Variants in NEBL observed in about 807,000 individuals in gnomAD.
The protein encoded by NEBL is LIM and SH3 protein 2.
NEBL carries 122 observed loss-of-function variants against 140.2 expected under a neutral mutation model. That is an observed-to-expected ratio of 0.87 (90% CI 0.75 to 1.01). The LOEUF is 1.01. Among genes scored for constraint, NEBL ranks in the 50% least tolerant of loss-of-function variants. NEBL has a pLI of 0.00. For synonymous variants in NEBL, 436 were observed against 398.9 expected (o/e 1.09, Z -1.11); for missense variants, 1,365 against 1,231.3 (o/e 1.11, Z -1.62).
At chr10:20,984,621 A>G (rs760796005) in intron 3 of NEBL, among the ~76,000 whole-genome samples, 21 of 151,988 alleles carry the variant, frequency 1.4e-4, no homozygotes, top group Middle Eastern at 3.2e-3. Flanking sequence ...ATACAGAAGG[A>G]GCCCTGAAAA....
chr10:20,800,061 T>C (rs1360064073), intron 26 of NEBL, among the ~76,000 whole-genome samples: 4 of 152,110 alleles, frequency 2.6e-5, no homozygotes, highest in African/African-American at 9.7e-5. Flanking sequence ...ACATGCTATA[T>C]GTTACATCTC....
intron 26 of NEBL, among the ~76,000 whole-genome samples, chr10:20,792,579 A>G (rs958156602): frequency 2.6e-5 from 4 of 152,184 alleles, no homozygotes; most frequent in Non-Finnish European, 4.4e-5. Context: ...AGGCAGGCAG[A>G]TTGCTTGAGC....
intron 3 of NEBL, among the ~76,000 whole-genome samples, chr10:21,010,988 G>A (rs1211702344): frequency 6.6e-6 from 1 of 152,108 alleles, no homozygotes; most frequent in Non-Finnish European, 1.5e-5. Context: ...TTAGAGAATG[G>A]TCAAATGAAA....
chr10:21,272,733 C>T (rs1398411961), intron 1 of NEBL, among the ~76,000 whole-genome samples: 1 of 152,142 alleles, frequency 6.6e-6, no homozygotes, highest in Non-Finnish European at 1.5e-5. Context: ...GCAGCATTAT[C>T]TTAAAAAATC....
chr10:21,035,519 C>A (rs1396258841), intron 2 of NEBL, among the ~76,000 whole-genome samples: 1 of 152,130 alleles, frequency 6.6e-6, no homozygotes, highest in Admixed American at 6.5e-5. Flanking sequence ...TATATCAGCT[C>A]TTCTTTAAAT....
chr10:21,156,632 A>AT (rs909241397), intron 2 of NEBL, among the ~76,000 whole-genome samples: 2 of 152,132 alleles, frequency 1.3e-5, no homozygotes, highest in Admixed American at 6.5e-5. Flanking sequence ...ACTTATATAT[A>AT]AAAAATGGCA....
rs572322355 is a variant in NEBL, at chr10:21,199,019, T to C, written n.349-26542A>G. 5.3e-4 allele frequency among the ~76,000 whole-genome samples: 80 copies of C among 151,764 alleles called. No individual in the cohort carries two copies. In the South Asian group the frequency reaches 0.016, roughly 31 times the overall value. On this transcript the variant is annotated intron_variant and non_coding_transcript_variant, in intron 3 of 8. Coordinates refer to the NEBL transcript ENST00000675702. The stretch of plus-strand genomic sequence containing the variant: ...TTTTATTTTTATTTTATTTATTTAT[T>C]TGCACCACTGCACTCCAGCCTGCAC...
intron 19 of NEBL, among the ~76,000 whole-genome samples, chr10:20,820,257 G>C (rs1164909645): frequency 3.9e-5 from 6 of 152,122 alleles, no homozygotes; most frequent in African/African-American, 1.4e-4. Context: ...CTGACTTAAT[G>C]CACAGAGGTG....
chr10:20,976,484 G>A (rs1383763301), intron 3 of NEBL, among the ~76,000 whole-genome samples: 1 of 152,042 alleles, frequency 6.6e-6, no homozygotes, highest in African/African-American at 2.4e-5. Flanking sequence ...ATTTATCACA[G>A]CAGTAGTCAC....
At chr10:20,854,476 C>T (rs954433454) in intron 9 of NEBL, among the ~76,000 whole-genome samples, 17 of 151,706 alleles carry the variant, frequency 1.1e-4, no homozygotes, top group African/African-American at 4.1e-4. Flanking sequence ...TAGGGAGCTG[C>T]AATATATGTT....
chr10:20,799,584 C>T (rs1308356683), intron 26 of NEBL, among the ~76,000 whole-genome samples: 1 of 152,148 alleles, frequency 6.6e-6, no homozygotes, highest in Non-Finnish European at 1.5e-5. Context: ...ATTCAGTTTG[C>T]AAATAACACT....
At chr10:21,071,283 TAGA>T (rs1369105284) in intron 2 of NEBL, among the ~76,000 whole-genome samples, 1 of 151,390 alleles carries the variant, frequency 6.6e-6, no homozygotes, top group African/African-American at 2.4e-5. Context: ...TGAAAAATAT[TAGA>T]AGATGAATTC....
chr10:20,790,127 G>A (rs1270250646), intron 26 of NEBL, among the ~76,000 whole-genome samples: 5 of 152,014 alleles, frequency 3.3e-5, no homozygotes, highest in African/African-American at 9.7e-5. Flanking sequence ...AGTTTAGAAT[G>A]AGAAACTTTG....
chr10:21,272,254 C>T (rs939898449), intron 1 of NEBL, among the ~76,000 whole-genome samples: 5 of 151,296 alleles, frequency 3.3e-5, no homozygotes, highest in South Asian at 2.1e-4. Context: ...CGTAAGCCAC[C>T]GCACCCGGCA....
chr10:20,834,815 G>C (rs1048591654), intron 14 of NEBL, among the ~76,000 whole-genome samples: 2 of 152,194 alleles, frequency 1.3e-5, no homozygotes, highest in African/African-American at 2.4e-5. Context: ...AAGTTCAAGA[G>C]GTGTAGAGAA....
chr10:20,827,853 A>G (rs771925481), intron 17 of NEBL, among the ~76,000 whole-genome samples: 5 of 152,194 alleles, frequency 3.3e-5, no homozygotes, highest in Admixed American at 6.5e-5. Context: ...TTTCTCACTT[A>G]TAAGTGGGAG....
At chr10:20,894,249 C>T (rs867085855) in intron 2 of NEBL, among the ~76,000 whole-genome samples, 1 of 152,246 alleles carries the variant, frequency 6.6e-6, no homozygotes, top group South Asian at 2.1e-4. Context: ...GCAGGAGAAT[C>T]ACTTAAAGCC....
At chr10:20,980,537 T>C (rs1349232868) in intron 3 of NEBL, among the ~76,000 whole-genome samples, 1 of 152,148 alleles carries the variant, frequency 6.6e-6, no homozygotes, top group Non-Finnish European at 1.5e-5. Flanking sequence ...ATAGCGTGCA[T>C]GGTACAAACA....
chr10:21,263,930 A>G (rs1842769485), intron 1 of NEBL, among the ~76,000 whole-genome samples: 1 of 152,144 alleles, frequency 6.6e-6, no homozygotes, highest in African/African-American at 2.4e-5. Flanking sequence ...ACACCATTGC[A>G]CTCCAGCCTG....
Sources: gnomAD v4.1 joint callset for allele counts (sites outside exome capture counted in the v4.1 genomes callset) on GRCh38, gnomAD v4.1.1 for gene constraint, MANE v1.5 for transcripts, NCBI Gene and HGNC (gene_info 2026-07-23, HGNC 2026-07-21) for gene names.